SAMMSON: variants seen among roughly 807,000 people sequenced by gnomAD.
SAMMSON encodes the protein long intergenic non-protein coding RNA 1212.
chr3:70,433,202 A>C (rs1701429571), intron 2 of SAMMSON, among the ~76,000 whole-genome samples: 1 of 152,114 alleles, frequency 6.6e-6, no homozygotes, highest in South Asian at 2.1e-4. Flanking sequence ...GGATTATATA[A>C]TAAGGGTATG....
chr3:70,270,331 G>T (rs1480956666), intron 6 of SAMMSON, among the ~76,000 whole-genome samples: 1 of 152,114 alleles, frequency 6.6e-6, no homozygotes, highest in Non-Finnish European at 1.5e-5. Flanking sequence ...TCCAAAAATA[G>T]ATGTACAAAG....
At chr3:70,203,596 A>G (rs1346279404) in intron 4 of SAMMSON, among the ~76,000 whole-genome samples, 2 of 152,176 alleles carry the variant, frequency 1.3e-5, no homozygotes, top group South Asian at 2.1e-4. Context: ...AAATAATTAT[A>G]AAATTGAAAC....
At chr3:70,340,097 C>T (rs1702699755) in intron 7 of SAMMSON, among the ~76,000 whole-genome samples, 1 of 151,902 alleles carries the variant, frequency 6.6e-6, no homozygotes, top group Admixed American at 6.6e-5. Flanking sequence ...AGTTCATGTC[C>T]TTTGTAGGGA....
intron 3 of SAMMSON, among the ~76,000 whole-genome samples, chr3:70,029,075 T>A (rs2067054143): frequency 6.6e-6 from 1 of 152,204 alleles, no homozygotes; most frequent in Non-Finnish European, 1.5e-5. Flanking sequence ...CAGGTGCATG[T>A]AATTTAAAAT....
chr3:70,294,658 T>A (rs1417091947), intron 7 of SAMMSON, among the ~76,000 whole-genome samples: 1 of 151,888 alleles, frequency 6.6e-6, no homozygotes, highest in East Asian at 1.9e-4. Flanking sequence ...GCTCAAAAAA[T>A]AAAGTAATTT....
At chr3:70,224,698 A>G (rs1316107722) in intron 4 of SAMMSON, among the ~76,000 whole-genome samples, 1 of 151,936 alleles carries the variant, frequency 6.6e-6, no homozygotes, top group African/African-American at 2.4e-5. Flanking sequence ...GTTAAATATC[A>G]GGAGAAAATT....
intron 9 of SAMMSON, among the ~76,000 whole-genome samples, chr3:70,364,518 C>A (rs1241730153): frequency 6.6e-6 from 1 of 151,900 alleles, no homozygotes; most frequent in Non-Finnish European, 1.5e-5. Flanking sequence ...TTTTCTCTTA[C>A]TACCCCAAAG....
At chr3:70,081,329 G>A (rs775190689) in intron 4 of SAMMSON, among the ~76,000 whole-genome samples, 1 of 152,198 alleles carries the variant, frequency 6.6e-6, no homozygotes, top group East Asian at 1.9e-4. Context: ...CAGCCAGGAT[G>A]GTCTCCATCT....
chr3:70,328,200 C>T (rs1037802684), intron 7 of SAMMSON, among the ~76,000 whole-genome samples: 1 of 152,156 alleles, frequency 6.6e-6, no homozygotes, highest in African/African-American at 2.4e-5. Flanking sequence ...TTCCACAACA[C>T]GTGGGAATTA....
chr3:70,331,388 G>A (rs754324946), intron 7 of SAMMSON, among the ~76,000 whole-genome samples: 3 of 152,160 alleles, frequency 2.0e-5, no homozygotes, highest in Non-Finnish European at 2.9e-5. Flanking sequence ...AGAAATGTGT[G>A]TTTTCTGTTT....
intron 4 of SAMMSON, among the ~76,000 whole-genome samples, chr3:70,175,589 C>T (rs1701003207): frequency 6.6e-6 from 1 of 152,064 alleles, no homozygotes; most frequent in Non-Finnish European, 1.5e-5. Context: ...CCCAAATCTT[C>T]TGTGCTTTTA....
chr3:70,125,671 A>T (rs1275378700), intron 4 of SAMMSON: 3 of 699,036 alleles, frequency 4.3e-6, no homozygotes, highest in Non-Finnish European at 7.8e-6. Context: ...TTTATTACCT[A>T]CAGGTTGTGG....
chr3:70,054,232 T>A (rs1037167821), intron 3 of SAMMSON, among the ~76,000 whole-genome samples: 1 of 152,132 alleles, frequency 6.6e-6, no homozygotes, highest in African/African-American at 2.4e-5. Flanking sequence ...TAACCTGCTG[T>A]ACTCGCATTC....
chr3:70,206,294 G>C (rs542283339), intron 4 of SAMMSON, among the ~76,000 whole-genome samples: 5 of 151,966 alleles, frequency 3.3e-5, no homozygotes, highest in Admixed American at 1.3e-4. Flanking sequence ...TTCTTTATCT[G>C]CCTCATAGCC....
intron 4 of SAMMSON, among the ~76,000 whole-genome samples, chr3:70,192,747 A>G (rs1226594900): frequency 1.3e-5 from 2 of 152,250 alleles, no homozygotes; most frequent in Admixed American, 6.5e-5. Flanking sequence ...TAAGTAGGTC[A>G]CATGTAATAT....
At chr3:70,041,662 TA>T (rs1292226548) in intron 3 of SAMMSON, among the ~76,000 whole-genome samples, 1 of 152,040 alleles carries the variant, frequency 6.6e-6, no homozygotes, top group East Asian at 1.9e-4. Flanking sequence ...TACAACATAT[TA>T]AAAATGCAAA....
At chr3:70,173,067 A>C (rs906493352) in intron 4 of SAMMSON, 2 of 151,842 alleles carry the variant, frequency 1.3e-5, no homozygotes, top group African/African-American at 4.8e-5. Flanking sequence ...AGGGATTGGG[A>C]GGACATGTAA....
At chr3:70,295,132 G>T (rs184911942) in intron 7 of SAMMSON, among the ~76,000 whole-genome samples, 12 of 152,294 alleles carry the variant, frequency 7.9e-5, no homozygotes, top group Admixed American at 7.9e-4. Flanking sequence ...TCCAACTTCT[G>T]AGATGGGTGA....
intron 2 of SAMMSON, among the ~76,000 whole-genome samples, chr3:70,013,315 T>C (rs1230789086): frequency 1.3e-5 from 2 of 152,030 alleles, no homozygotes; most frequent in Admixed American, 1.3e-4. Flanking sequence ...GCAATAAGAG[T>C]AGCCTCCTCA....
Sources: allele counts gnomAD v4.1 joint callset (sites outside exome capture counted in the v4.1 genomes callset), GRCh38; gene constraint gnomAD v4.1.1; transcripts MANE v1.5; gene names NCBI Gene and HGNC (gene_info 2026-07-23, HGNC 2026-07-21).